Variants in GGNBP2 observed in about 807,000 individuals in gnomAD.
GGNBP2 encodes the protein gametogenetin-binding protein 2.
A neutral mutation model predicts 85.9 loss-of-function variants in GGNBP2; 10 were observed. That is an observed-to-expected ratio of 0.12 (90% CI 0.07 to 0.20). The LOEUF is 0.20. Ranked by LOEUF, GGNBP2 falls within the 10% of genes least tolerant of loss-of-function variation. The probability of loss-of-function intolerance (pLI) is 1.00; values close to 1 mark genes in which losing one functional copy is unlikely to be tolerated. For missense variants in GGNBP2, 595 were observed against 857.8 expected (o/e 0.69, Z 3.83); for synonymous variants, 287 against 285.7 (o/e 1.00, Z -0.05).
Position 36,589,797 on chromosome 17 carries a change from C to T in GGNBP2, c.*386C>T, listed in dbSNP as rs1385624320. The T allele has an allele frequency of 5.2e-5, 10 of 191,676 alleles. No individual in the cohort carries two copies. Among genetic ancestry groups the T allele is most frequent in the African/African-American group, 1.9e-4 (8 of 42,526 alleles). 11.9% of individuals were successfully genotyped at this position (191,676 alleles called of 1,614,324 possible). A position where few individuals can be genotyped will look rare whatever the true frequency, so the allele number is the denominator to read the frequency against. ...AAAATGTTTGGATGTAATGTTAAAG[C>T]GCAATGTGCAAAATTTAAAATAAAG... On this transcript the variant is annotated 3_prime_UTR_variant, in exon 14 of 14. Coordinates refer to ENST00000613102, the MANE Select transcript of GGNBP2 (RefSeq NM_024835.5).
chr17:36,576,589 ATATATATGTGTGTGTGTG>A (rs1191907585), intron 6 of GGNBP2: 1 of 41,406 alleles, frequency 2.4e-5, no homozygotes, highest in African/African-American at 1.1e-4. Flanking sequence ...AAAAAAATAT[ATATATATGTGTGTGTGTG>A]TGTGTGTGTG....
At chr17:36,571,418 C>T (rs1291057111) in intron 6 of GGNBP2, among the ~76,000 whole-genome samples, 2 of 151,580 alleles carry the variant, frequency 1.3e-5, no homozygotes, top group African/African-American at 4.8e-5. Context: ...GGCTTGGTGG[C>T]GTGTGCCTGT....
chr17:36,552,591 C>G (rs143114062), intron 2 of GGNBP2, among the ~76,000 whole-genome samples: 59 of 152,256 alleles, frequency 3.9e-4, no homozygotes, highest in Non-Finnish European at 6.9e-4. Context: ...TTGCTACCCC[C>G]CTTTAGAGGT....
intron 3 of GGNBP2, among the ~76,000 whole-genome samples, chr17:36,556,872 C>T (rs1405366029): frequency 6.9e-6 from 1 of 144,788 alleles, no homozygotes; most frequent in Non-Finnish European, 1.5e-5. Flanking sequence ...TGTTTATATA[C>T]CCTAGATTCT....
At position 36,589,598 on chromosome 17, in the gene GGNBP2, C is replaced by T. The variant is rs1165779109; in HGVS notation, c.*187C>T. 9 of 590,926 alleles carry T rather than the reference C, an allele frequency of 1.5e-5. No homozygotes were observed. The highest frequency in any genetic ancestry group is 2.1e-5 in the South Asian group (1 of 46,890). The allele number at this position is 590,926 out of a possible 1,614,324, so 36.6% of individuals were successfully genotyped here. On this transcript the variant is annotated 3_prime_UTR_variant, in exon 14 of 14. Transcript: ENST00000613102. ...TTCTTCAGGCTTGTGTCTTTAGTTG[C>T]GTGGCTGCGCAGGCCTGCCATATGA...
intron 4 of GGNBP2, among the ~76,000 whole-genome samples, chr17:36,560,408 T>G (rs1021790809): frequency 2.0e-5 from 3 of 152,214 alleles, no homozygotes; most frequent in Non-Finnish European, 4.4e-5. Flanking sequence ...ACATAATGTT[T>G]TGTGAGGTTT....
Position 36,552,127 on chromosome 17 carries a change from A to G in GGNBP2, c.94-2693A>G, listed in dbSNP as rs565552475. ...TTGTATCAAGCAAATGAAAATATAAATCAAGGTATTAGTTACTTAAATGGT... is the reference window on the plus strand; with the variant it reads ...TTGTATCAAGCAAATGAAAATATAAGTCAAGGTATTAGTTACTTAAATGGT... On this transcript the variant is annotated intron_variant, in intron 2 of 13. Coordinates refer to ENST00000613102, the MANE Select transcript of GGNBP2 (RefSeq NM_024835.5). Among the ~76,000 whole-genome samples the G allele has an allele frequency of 6.6e-5, 10 of 152,340 alleles. 1 individual carries two copies. The South Asian group carries it at 2.1e-3, about 32-fold the overall frequency.
chr17:36,546,218 T>A (rs2074253353), intron 2 of GGNBP2: 4 of 362,772 alleles, frequency 1.1e-5, no homozygotes, highest in Admixed American at 4.5e-5. Context: ...GCTGCACTGC[T>A]ACCTGTGTAT....
intron 2 of GGNBP2, chr17:36,547,085 CAT>C (rs1359017079): frequency 1.3e-5 from 2 of 152,258 alleles, no homozygotes; most frequent in African/African-American, 4.8e-5. Context: ...TTTGTTCTGA[CAT>C]AAAGTAAATA....
At chr17:36,586,430 T>C in intron 12 of GGNBP2, 1 of 536,296 alleles carries the variant, frequency 1.9e-6, no homozygotes, top group Non-Finnish European at 3.3e-6. Flanking sequence ...GTTCTTTTTA[T>C]ACTTTTAAAA....
chr17:36,572,168 C>G (rs1251388400), intron 6 of GGNBP2, among the ~76,000 whole-genome samples: 3 of 152,054 alleles, frequency 2.0e-5, no homozygotes, highest in Non-Finnish European at 2.9e-5. Flanking sequence ...TATAGTTGTA[C>G]AATCAAACAT....
chr17:36,556,302 G>A (rs1027780924), intron 3 of GGNBP2, among the ~76,000 whole-genome samples: 1 of 152,204 alleles, frequency 6.6e-6, no homozygotes, highest in African/African-American at 2.4e-5. Flanking sequence ...ACCTGTTCAT[G>A]CCTCTGGATT....
intron 6 of GGNBP2, chr17:36,576,619 G>GTATA (rs2074590891): frequency 4.1e-5 from 5 of 123,408 alleles, no homozygotes; most frequent in African/African-American, 1.7e-4. Context: ...GTGTGTGTGT[G>GTATA]TGTGTGTGTG....
At position 36,545,548 on chromosome 17, in the gene GGNBP2, C is replaced by T; in HGVS notation, c.-106-71C>T. ...GGCTCTCCCGTACCCTCCCGCTCCG[C>T]TCCCTGCCCCCCGTGGCGAATGTGC... On this transcript the variant is annotated intron_variant, in intron 1 of 13. Transcript: ENST00000613102. The T allele has an allele frequency of 8.7e-6, 5 of 577,830 alleles. No individual in the cohort carries two copies. The South Asian group carries it at 1.1e-4, about 12-fold the overall frequency. 35.8% of individuals were successfully genotyped at this position (577,830 alleles called of 1,614,324 possible). A position where few individuals can be genotyped will look rare whatever the true frequency, so the allele number is the denominator to read the frequency against.
intron 8 of GGNBP2, among the ~76,000 whole-genome samples, chr17:36,580,874 G>A (rs535276132): frequency 6.6e-6 from 1 of 151,512 alleles, no homozygotes; most frequent in East Asian, 2.0e-4. Context: ...AACTGAGATG[G>A]TGCCACTGTA....
intron 5 of GGNBP2, among the ~76,000 whole-genome samples, chr17:36,564,760 A>G (rs1184738103): frequency 2.0e-5 from 3 of 151,378 alleles, no homozygotes; most frequent in Non-Finnish European, 4.4e-5. Flanking sequence ...CTGCTGCTAC[A>G]TCCCCACCCC....
chr17:36,546,248 A>G, intron 2 of GGNBP2: 1 of 313,426 alleles, frequency 3.2e-6, no homozygotes, highest in Non-Finnish European at 5.8e-6. Flanking sequence ...TAATACTGGT[A>G]GCTCTCACCA....
At chr17:36,553,665 TTTGTCC>T (rs1408041509) in intron 2 of GGNBP2, among the ~76,000 whole-genome samples, 1 of 152,220 alleles carries the variant, frequency 6.6e-6, no homozygotes, top group African/African-American at 2.4e-5. Context: ...GTGGAAATAG[TTTGTCC>T]TAGTACGATA....
At chr17:36,570,657 C>G (rs1246443137) in intron 6 of GGNBP2, among the ~76,000 whole-genome samples, 1 of 151,548 alleles carries the variant, frequency 6.6e-6, no homozygotes, top group Middle Eastern at 3.3e-3. Flanking sequence ...AAACTGAGAT[C>G]GCGCCATTGC....
Sources: allele counts gnomAD v4.1 joint callset (sites outside exome capture counted in the v4.1 genomes callset), GRCh38; gene constraint gnomAD v4.1.1; transcripts MANE v1.5; gene names NCBI Gene and HGNC (gene_info 2026-07-23, HGNC 2026-07-21).